The following AOAH variants were observed in gnomAD, a reference collection of about 807,000 sequenced individuals.
The protein encoded by AOAH is acyloxyacyl hydrolase, also known as acyloxyacyl hydrolase (neutrophil).
Under a neutral mutation model 92.2 loss-of-function variants are expected in AOAH, and 64 were observed. That is an observed-to-expected ratio of 0.69 (90% CI 0.57 to 0.86). The LOEUF (loss-of-function observed/expected upper bound fraction) is 0.86, where lower values mean the gene tolerates loss of function less well. Among genes scored for constraint, AOAH ranks in the 40% least tolerant of loss-of-function variants. The pLI, the probability that AOAH is intolerant of heterozygous loss-of-function variation, is 0.00. For missense variants in AOAH, 656 were observed against 694.6 expected (o/e 0.94, Z 0.62); for synonymous variants, 263 against 254.5 (o/e 1.03, Z -0.32).
intron 9 of AOAH, among the ~76,000 whole-genome samples, chr7:36,619,554 G>T (rs558605513): frequency 1.1e-4 from 16 of 152,284 alleles, no homozygotes; most frequent in Admixed American, 8.5e-4. Flanking sequence ...GAGCTGACTT[G>T]GGGATCTTGT....
chr7:36,675,240 G>T (rs1377643888), intron 2 of AOAH, among the ~76,000 whole-genome samples: 2 of 152,212 alleles, frequency 1.3e-5, no homozygotes, highest in African/African-American at 4.8e-5. Context: ...TGGGCAACAA[G>T]AGTGAAACTC....
intron 6 of AOAH, among the ~76,000 whole-genome samples, chr7:36,628,314 C>G (rs758812856): frequency 6.6e-6 from 1 of 152,170 alleles, no homozygotes; most frequent in Non-Finnish European, 1.5e-5. Flanking sequence ...TGACTTACCA[C>G]TGTTGAAGTA....
chr7:36,712,733 G>A (rs925503583), intron 1 of AOAH, among the ~76,000 whole-genome samples: 4 of 152,152 alleles, frequency 2.6e-5, no homozygotes, highest in Admixed American at 6.5e-5. Flanking sequence ...GACAAACTAA[G>A]CTTCAGAAGT....
At chr7:36,610,149 T>C (rs1583935602) in intron 11 of AOAH, among the ~76,000 whole-genome samples, 1 of 109,744 alleles carries the variant, frequency 9.1e-6, no homozygotes. Flanking sequence ...AGGAGAATGC[T>C]CCATAATAGC....
chr7:36,543,439 T>C (rs114701279), intron 15 of AOAH, among the ~76,000 whole-genome samples: 299 of 151,404 alleles, frequency 2.0e-3, no homozygotes, highest in African/African-American at 6.8e-3. Flanking sequence ...GCCTATTCAC[T>C]TTTGCCTTGC....
chr7:36,685,291 G>A (rs552968601), intron 2 of AOAH, among the ~76,000 whole-genome samples: 133 of 152,292 alleles, frequency 8.7e-4, no homozygotes, highest in African/African-American at 3.1e-3. Flanking sequence ...GCAAGGTTAC[G>A]ATATCTAGGG....
At chr7:36,597,763 T>C (rs1790238135) in intron 11 of AOAH, 1 of 152,196 alleles carries the variant, frequency 6.6e-6, no homozygotes, top group African/African-American at 2.4e-5. Flanking sequence ...TACGCAGGCA[T>C]AGGCATACCC....
intron 13 of AOAH, among the ~76,000 whole-genome samples, chr7:36,551,876 T>C (rs1039576936): frequency 1.2e-4 from 18 of 152,302 alleles, no homozygotes; most frequent in South Asian, 2.1e-4. Context: ...TCTTTCTTTT[T>C]TGTAGTGAGG....
chr7:36,587,315 GT>G (rs1463003007), intron 12 of AOAH, among the ~76,000 whole-genome samples: 36 of 151,168 alleles, frequency 2.4e-4, no homozygotes, highest in African/African-American at 8.7e-4. Context: ...AGAAAATCTG[GT>G]TTTATATACA....
chr7:36,723,931 T>G, intron 1 of AOAH, 91 bp downstream of exon 1: 3 of 1,403,506 alleles, frequency 2.1e-6, no homozygotes, highest in Non-Finnish European at 2.9e-6. Context: ...CAATTCTTGA[T>G]TTAATAAAAT....
At chr7:36,667,923 A>G (rs533695696) in intron 3 of AOAH, among the ~76,000 whole-genome samples, 4 of 152,132 alleles carry the variant, frequency 2.6e-5, no homozygotes, top group African/African-American at 9.6e-5. Flanking sequence ...TCTCCTTTTA[A>G]TCTATATTTA....
chr7:36,664,199 A>G (rs777696725), intron 3 of AOAH, among the ~76,000 whole-genome samples: 13 of 152,164 alleles, frequency 8.5e-5, no homozygotes, highest in Admixed American at 2.6e-4. Flanking sequence ...CACAAAACCC[A>G]AGGTCAACTA....
intron 1 of AOAH, among the ~76,000 whole-genome samples, chr7:36,713,851 C>T (rs770663013): frequency 6.6e-6 from 1 of 152,160 alleles, no homozygotes; most frequent in Non-Finnish European, 1.5e-5. Flanking sequence ...ATTTATAGCA[C>T]TAAATGCCCA....
intron 6 of AOAH, among the ~76,000 whole-genome samples, chr7:36,631,170 A>AC (rs1376061587): frequency 2.0e-5 from 3 of 152,008 alleles, no homozygotes; most frequent in Non-Finnish European, 4.4e-5. Flanking sequence ...AAGTGGTGAA[A>AC]CCCCGTCTCT....
rs775209756 is a variant in AOAH at position 36,632,036 on chromosome 7, A to C, written c.521T>G (p.Leu174Ter). The C allele has an allele frequency of 2.5e-6, 4 of 1,610,354 alleles. No homozygotes were observed. The African/African-American group carries it at 4.0e-5, about 16-fold the overall frequency. ...VLAKICQKIK[L>*]AMEQSVPFKD... The stretch of plus-strand genomic sequence containing the variant: ...AGGAAGGTAGAAATTGTATACATAC[A>C]ATTTAATTTTCTGGCAGATCTTGGC... Residue 174 changes from leucine (L) to a stop codon, truncating the protein, a stop_gained and splice_region_variant, in exon 6 of 21, where the codon TTA (leucine) becomes TGA (stop). Coordinates refer to ENST00000617537, the MANE Select transcript of AOAH (RefSeq NM_001637.4). LOFTEE classifies it high-confidence loss of function.
intron 3 of AOAH, among the ~76,000 whole-genome samples, chr7:36,670,622 G>T (rs1276195404): frequency 6.6e-6 from 1 of 152,000 alleles, no homozygotes; most frequent in Non-Finnish European, 1.5e-5. Flanking sequence ...CTACAGGCGC[G>T]CGCCACCACA....
intron 3 of AOAH, among the ~76,000 whole-genome samples, chr7:36,665,047 T>C (rs1795454528): frequency 6.6e-6 from 1 of 152,180 alleles, no homozygotes; most frequent in South Asian, 2.1e-4. Flanking sequence ...TACTAGGCCC[T>C]ACCTCCAGCA....
chr7:36,681,024 A>C (rs1796609807), intron 2 of AOAH, among the ~76,000 whole-genome samples: 1 of 152,150 alleles, frequency 6.6e-6, no homozygotes, highest in African/African-American at 2.4e-5. Context: ...AGAGGGAATA[A>C]TCTAGGAAAT....
At chr7:36,683,339 T>C (rs932528210) in intron 2 of AOAH, among the ~76,000 whole-genome samples, 2 of 152,132 alleles carry the variant, frequency 1.3e-5, no homozygotes, top group Non-Finnish European at 2.9e-5. Flanking sequence ...AGAGAATTCA[T>C]AGAAGGGCTG....
Sources: allele counts gnomAD v4.1 joint callset (sites outside exome capture counted in the v4.1 genomes callset), GRCh38; gene constraint gnomAD v4.1.1; transcripts MANE v1.5; gene names NCBI Gene and HGNC (gene_info 2026-07-23, HGNC 2026-07-21).